NCAM1: variants seen among roughly 807,000 people sequenced by gnomAD.
NCAM1 encodes antigen recognized by monoclonal antibody 5.1H11.
A neutral mutation model predicts 109.8 loss-of-function variants in NCAM1; 14 were observed. The observed-to-expected ratio is 0.13, with a 90% CI of 0.08 to 0.20. NCAM1 has a LOEUF of 0.20. Ranked by LOEUF, NCAM1 falls within the 10% of genes least tolerant of loss-of-function variation. The pLI is 1.00. For synonymous variants in NCAM1, 418 were observed against 442.9 expected (o/e 0.94, Z 0.70); for missense variants, 774 against 1,109.9 (o/e 0.70, Z 4.30).
chr11:113,073,357 A>G (rs971257741), intron 1 of NCAM1, among the ~76,000 whole-genome samples: 1 of 152,228 alleles, frequency 6.6e-6, no homozygotes, highest in Admixed American at 6.5e-5. Context: ...AGATGTGTTA[A>G]CCAAACTAAA....
rs1346577641 is a variant in NCAM1 at position 113,243,696 on chromosome 11, A to G, written c.1826-2672A>G. The G allele has an allele frequency of 9.8e-5, 43 of 440,380 alleles. No homozygotes were observed. In the Middle Eastern group the frequency reaches 1.0e-3, roughly 11 times the overall value. The allele number at this position is 440,380 out of a possible 1,614,324, so 27.3% of individuals were successfully genotyped here. A position where few individuals can be genotyped will look rare whatever the true frequency, so the allele number is the denominator to read the frequency against. ...CATGTTCATAGTGTTCAAGCATCAA[A>G]GCTGTGTGGGAGTTTTAGATTTTAT... On this transcript the variant is annotated intron_variant, in intron 14 of 19. Transcript: ENST00000316851.
At position 113,231,724 on chromosome 11, in the gene NCAM1, C is replaced by A; in HGVS notation, c.1169C>A (p.Ala390Asp). The A allele has an allele frequency of 6.2e-7, 1 of 1,613,880 alleles. No individual in the cohort carries two copies. The highest frequency in any genetic ancestry group is 8.5e-7 in the Non-Finnish European group (1 of 1,179,866). Residue 390 changes from alanine to aspartate, a missense_variant, in exon 10 of 20, where the codon GCC becomes GAC. Physicochemically the swap from Ala to Asp is moderately radical, Grantham distance 126. This residue lies in a region of NCAM1 where 523 missense variants were observed against 784.2 expected (regional missense o/e 0.67). Coordinates refer to ENST00000316851, the MANE Select transcript of NCAM1 (RefSeq NM_181351.5). ...LTLKSIQYTD[A>D]GEYICTASNT... ...CTGAAGAGCATCCAGTACACTGATG[C>A]CGGAGAGTACATCTGCACCGCCAGC...
At position 113,147,264 on chromosome 11, in the gene NCAM1, A is replaced by G. The variant is rs1373554787; in HGVS notation, c.53-55115A>G. On this transcript the variant is annotated intron_variant, in intron 1 of 19. Coordinates refer to ENST00000316851, the MANE Select transcript of NCAM1 (RefSeq NM_181351.5). The stretch of plus-strand genomic sequence containing the variant: ...TTTACCCCAGCAGTGTTCTTAATGT[A>G]GATGTTAAACTGCGCGATAGATTTT... 2.6e-5 allele frequency among the ~76,000 whole-genome samples: 4 copies of G among 152,230 alleles called. No individual in the cohort carries two copies. The South Asian group carries it at 6.2e-4, about 24-fold the overall frequency.
intron 1 of NCAM1, among the ~76,000 whole-genome samples, chr11:113,067,804 C>T (rs571825649): frequency 1.3e-5 from 2 of 151,896 alleles, no homozygotes; most frequent in South Asian, 2.1e-4. Flanking sequence ...TGAGAAATGT[C>T]GTGTTAACAA....
At position 113,138,992 on chromosome 11, in the gene NCAM1, G is replaced by A. The variant is rs139740163; in HGVS notation, c.53-63387G>A. Among the ~76,000 whole-genome samples, 4 of 152,288 alleles carry A rather than the reference G, an allele frequency of 2.6e-5. No homozygotes were observed. The East Asian group carries it at 5.8e-4, about 22-fold the overall frequency. On this transcript the variant is annotated intron_variant, in intron 1 of 19. Transcript: ENST00000316851. ...GTTGATTCTGATATGGAGGCAAATTGCCAATGCCTATCTTTGACAGCACTT... is the reference window on the plus strand; with the variant it reads ...GTTGATTCTGATATGGAGGCAAATTACCAATGCCTATCTTTGACAGCACTT...
intron 15 of NCAM1, among the ~76,000 whole-genome samples, chr11:113,255,293 G>A (rs912758126): frequency 4.6e-5 from 7 of 152,064 alleles, no homozygotes; most frequent in East Asian, 1.9e-4. Flanking sequence ...AATCACAACC[G>A]GAAACTTCTT....
Position 113,273,498 on chromosome 11 carries a change from C to G in NCAM1, c.2456+1622C>G. 1 of 335,812 alleles carries G rather than the reference C, an allele frequency of 3.0e-6. No individual in the cohort carries two copies. Among genetic ancestry groups the G allele is most frequent in the African/African-American group, 2.2e-5 (1 of 46,050 alleles). 20.8% of individuals were successfully genotyped at this position (335,812 alleles called of 1,614,324 possible). ...CACCCAGCCCGGAGCCGCGAAGAGC[C>G]CGGCCGAGGCAGCCACAGCCCTTGC... is the stretch of plus-strand genomic sequence containing the variant. On this transcript the variant is annotated intron_variant, in intron 19 of 19. Coordinates refer to ENST00000316851, the MANE Select transcript of NCAM1 (RefSeq NM_181351.5). This position sits in a 1 kb window ranked among gnomAD's most constrained non-coding sequence, Gnocchi z 6.0.
chr11:113,012,658 T>G (rs1259492791), intron 1 of NCAM1, among the ~76,000 whole-genome samples: 4 of 152,206 alleles, frequency 2.6e-5, no homozygotes, highest in African/African-American at 9.6e-5. Flanking sequence ...ACTGCCTCAC[T>G]CCAGTCTTTG....
At chr11:113,045,894 G>A (rs1447113733) in intron 1 of NCAM1, among the ~76,000 whole-genome samples, 1 of 151,108 alleles carries the variant, frequency 6.6e-6, no homozygotes, top group African/African-American at 2.4e-5. Context: ...ATTATCTGCT[G>A]ATCAGCTTTG....
chr11:113,107,697 C>T (rs1444943911), intron 1 of NCAM1, among the ~76,000 whole-genome samples: 1 of 152,068 alleles, frequency 6.6e-6, no homozygotes, highest in Non-Finnish European at 1.5e-5. Flanking sequence ...GAAACGGCCC[C>T]CACAATTCAA....
At chr11:113,235,808 C>A (rs989925577) in intron 14 of NCAM1, among the ~76,000 whole-genome samples, 1 of 152,150 alleles carries the variant, frequency 6.6e-6, no homozygotes, top group Non-Finnish European at 1.5e-5. Context: ...TTTTCCTCGG[C>A]CATTCCCTCT....
intron 14 of NCAM1, chr11:113,240,451 C>G: frequency 3.1e-6 from 1 of 323,212 alleles, no homozygotes; most frequent in Non-Finnish European, 5.6e-6. Context: ...ATTCCTTTTC[C>G]TCCTATACCT....
intron 1 of NCAM1, among the ~76,000 whole-genome samples, chr11:113,169,072 C>G (rs11214527): frequency 0.023 from 3,013 of 133,602 alleles, 149 homozygotes; most frequent in Admixed American, 0.089. Context: ...GTGTGTGTGT[C>G]TGTGTGTGTG....
rs1272917218 is a variant in NCAM1 at position 113,270,371 on chromosome 11, T to C, written c.2315T>C (p.Met772Thr). ...KAGPGAKGKD[M>T]EEGKAAFSKD... ...GGGCCCGGGGCCAAGGGCAAGGACA[T>C]GGAGGAGGGCAAGGCCGCCTTCTCG... Residue 772 changes from methionine (M) to threonine (T), a missense_variant, in exon 18 of 20, where the codon ATG (methionine) becomes ACG (threonine). Met to Thr is a moderately conservative substitution (Grantham distance 81, BLOSUM62 -1). This residue lies in a region of NCAM1 where 122 missense variants were observed against 129.7 expected (regional missense o/e 0.94). Coordinates refer to ENST00000316851, the MANE Select transcript of NCAM1 (RefSeq NM_181351.5). 1.2e-6 allele frequency: 2 copies of C among 1,613,872 alleles called. No homozygotes were observed. The highest frequency in any genetic ancestry group is 1.7e-6 in the Non-Finnish European group (2 of 1,179,882).
chr11:113,002,925 G>A (rs1052588044), intron 1 of NCAM1, among the ~76,000 whole-genome samples: 1 of 152,208 alleles, frequency 6.6e-6, no homozygotes, highest in Non-Finnish European at 1.5e-5. Flanking sequence ...AGCAAAAATA[G>A]TTCCCACTGG....
intron 1 of NCAM1, among the ~76,000 whole-genome samples, chr11:113,091,198 T>C (rs191262916): frequency 6.6e-6 from 1 of 152,100 alleles, no homozygotes; most frequent in Admixed American, 6.5e-5. Context: ...CTCAAAAAGG[T>C]TAAGTAACTT....
At chr11:113,236,033 G>A (rs781870963) in intron 14 of NCAM1, among the ~76,000 whole-genome samples, 6 of 152,162 alleles carry the variant, frequency 3.9e-5, no homozygotes, top group Admixed American at 6.5e-5. Context: ...AATGCACCTG[G>A]GAGAATCCTT....
chr11:113,202,665 C>G (rs1269096467), intron 2 of NCAM1, among the ~76,000 whole-genome samples: 1 of 152,210 alleles, frequency 6.6e-6, no homozygotes, highest in Non-Finnish European at 1.5e-5. Flanking sequence ...AATCTGTCAT[C>G]TAGACTTCAC....
At chr11:113,152,364 C>T (rs566600946) in intron 1 of NCAM1, among the ~76,000 whole-genome samples, 4 of 152,368 alleles carry the variant, frequency 2.6e-5, no homozygotes, top group Admixed American at 2.0e-4. Flanking sequence ...TTTCTTTTAA[C>T]AAGTGGCAAC....
Sources: gnomAD v4.1 joint callset for allele counts (sites outside exome capture counted in the v4.1 genomes callset) on GRCh38, gnomAD v4.1.1 for gene constraint, gnomAD v4.1.1 regional missense constraint, Gnocchi (gnomAD v3.1) non-coding constraint, MANE v1.5 for transcripts, NCBI Gene and HGNC (gene_info 2026-07-23, HGNC 2026-07-21) for gene names.